TRPM8: variants seen among roughly 807,000 people sequenced by gnomAD.
TRPM8 encodes TRPM8 cationic channel.
A neutral mutation model predicts 133.7 loss-of-function variants in TRPM8; 110 were observed. That is an observed-to-expected ratio of 0.82 (90% CI 0.70 to 0.96). TRPM8 has a LOEUF of 0.96. Ranked by LOEUF, TRPM8 falls within the 40% of genes least tolerant of loss-of-function variation. TRPM8 has a pLI of 0.00. For synonymous variants in TRPM8, 535 were observed against 532.3 expected (o/e 1.01, Z -0.07); for missense variants, 1,291 against 1,379.5 (o/e 0.94, Z 1.02).
intron 18 of TRPM8, 27 bp from the exon 19 acceptor site, chr2:233,981,747 G>T (rs6708995): frequency 0.47 from 745,663 of 1,572,694 alleles, 179,608 homozygotes; most frequent in Middle Eastern, 0.54. Context: ...AATATCTCAT[G>T]AATTCTGTTC....
intron 22 of TRPM8, among the ~76,000 whole-genome samples, chr2:234,001,618 C>T (rs903064849): frequency 2.6e-5 from 4 of 152,156 alleles, no homozygotes. Flanking sequence ...GGAAATTGTG[C>T]ATAGGCAAGA....
At chr2:233,962,334 C>T (rs1459269539) in intron 12 of TRPM8, among the ~76,000 whole-genome samples, 2 of 152,202 alleles carry the variant, frequency 1.3e-5, no homozygotes, top group African/African-American at 2.4e-5. Flanking sequence ...AAGGTTTGTG[C>T]TCTACTCTGG....
chr2:233,996,379 G>C lies in TRPM8; in HGVS notation c.2993G>C (p.Arg998Thr), dbSNP rs1382523925. 9 of 1,614,084 alleles carry C rather than the reference G, an allele frequency of 5.6e-6. No individual in the cohort carries two copies. The highest frequency in any genetic ancestry group is 1.7e-5 in the Admixed American group (1 of 60,006). The change falls in exon 22 of 26, where the codon AGG becomes ACG. Residue 998 changes from arginine to threonine, a missense_variant. Physicochemically the swap from Arg to Thr is moderately conservative, Grantham distance 71 (BLOSUM62 -1). Around this residue, in one of 2 missense-constraint regions of TRPM8, gnomAD observed 328 missense variants for 410.6 expected, o/e 0.80. Transcript: ENST00000324695. ...AATGACCAGGTCTGGAAGTTCCAGAGGTACTTCCTGGTGCAGGAGTACTGC... is the reference window on the plus strand; with the variant it reads ...AATGACCAGGTCTGGAAGTTCCAGACGTACTTCCTGGTGCAGGAGTACTGC... ...ENNDQVWKFQ[R>T]YFLVQEYCSR...
intron 17 of TRPM8, among the ~76,000 whole-genome samples, chr2:233,974,017 C>T (rs1574746882): frequency 6.6e-6 from 1 of 152,134 alleles, no homozygotes; most frequent in Non-Finnish European, 1.5e-5. Context: ...ATTTCAGGGA[C>T]AAAAAGACAG....
At chr2:233,969,634 T>C in intron 15 of TRPM8, 61 bp from the exon 16 acceptor site, 1 of 995,930 alleles carries the variant, frequency 1.0e-6, no homozygotes, top group South Asian at 1.3e-5. Flanking sequence ...AAAGTTTGCA[T>C]GGCATCCTGC....
At chr2:233,923,548 G>T (rs1034783293) in intron 1 of TRPM8, among the ~76,000 whole-genome samples, 6 of 152,116 alleles carry the variant, frequency 3.9e-5, no homozygotes. Context: ...AGGTTACCAC[G>T]CAGGGCTCCA....
In TRPM8 at chr2:233,969,791, G is replaced by A; in HGVS notation, c.2122G>A (p.Gly708Ser). ...CLFIIPLVGCGFVSFRKKPVD... is the reference protein window; with the variant it reads ...CLFIIPLVGCSFVSFRKKPVD... Reference sequence around the variant, plus strand: ...GTTTATTATACCCTTGGTGGGCTGTGGCTTTGTATCATTTAGGTACAAACC... The same window carrying A: ...GTTTATTATACCCTTGGTGGGCTGTAGCTTTGTATCATTTAGGTACAAACC... Residue 708 changes from glycine to serine, a missense_variant, in exon 16 of 26, where the codon GGC (glycine) becomes AGC (serine). By Grantham distance (56) the Gly-to-Ser change is moderately conservative (BLOSUM62 0). Transcript: ENST00000324695. 6.2e-7 allele frequency: 1 copy of A among 1,611,542 alleles called. No homozygotes were observed. The highest frequency in any genetic ancestry group is 1.7e-4 in the Middle Eastern group (1 of 6,054).
chr2:233,971,507 G>A (rs757482312), intron 17 of TRPM8, among the ~76,000 whole-genome samples: 6 of 152,164 alleles, frequency 3.9e-5, no homozygotes, highest in Non-Finnish European at 7.3e-5. Context: ...GTAGGTCTGA[G>A]GTGCAGATGG....
intron 1 of TRPM8, among the ~76,000 whole-genome samples, chr2:233,919,136 T>A (rs1559513098): frequency 7.1e-6 from 1 of 141,244 alleles, no homozygotes; most frequent in Admixed American, 6.9e-5. Context: ...ATAGGTGAGC[T>A]AAAAAGCAAC....
intron 1 of TRPM8, among the ~76,000 whole-genome samples, chr2:233,923,947 G>A (rs937829338): frequency 2.0e-5 from 3 of 152,204 alleles, no homozygotes; most frequent in Non-Finnish European, 4.4e-5. Context: ...AGAATAAGGG[G>A]AACATGCTGG....
In TRPM8 at chr2:233,983,209, C is replaced by T. The variant is rs766523107; in HGVS notation, c.2746C>T (p.Pro916Ser). ...EPYLAMFGQV[P>S]SDVDGTTYDF... ...CTACCTGGCCATGTTCGGCCAGGTG[C>T]CCAGTGACGTGGATGGTAAGCCTGA... Residue 916 changes from proline to serine, a missense_variant, in exon 20 of 26, where the codon CCC becomes TCC. This residue lies in a region of TRPM8 where 328 missense variants were observed against 410.6 expected (regional missense o/e 0.80). Transcript: ENST00000324695. The T allele has an allele frequency of 6.2e-7, 1 of 1,614,116 alleles. No individual in the cohort carries two copies. Among genetic ancestry groups the T allele is most frequent in the South Asian group, 1.1e-5 (1 of 91,074 alleles).
intron 6 of TRPM8, among the ~76,000 whole-genome samples, chr2:233,943,652 C>T (rs146531458): frequency 3.3e-5 from 5 of 152,254 alleles, no homozygotes; most frequent in African/African-American, 1.2e-4. Flanking sequence ...TTCCTGTGAA[C>T]ATTTTTAGAG....
intron 3 of TRPM8, among the ~76,000 whole-genome samples, chr2:233,936,237 G>T (rs1690736583): frequency 6.6e-6 from 1 of 152,164 alleles, no homozygotes; most frequent in Admixed American, 6.5e-5. Context: ...GCTCATCTTG[G>T]GCTGCTGTGA....
chr2:233,938,886 G>T, intron 4 of TRPM8, 112 bp from the exon 5 acceptor site: 2 of 1,142,034 alleles, frequency 1.8e-6, no homozygotes, highest in Non-Finnish European at 1.2e-6. Context: ...CCCCCACCCC[G>T]CCCCTCTTCT....
chr2:233,964,577 A>AAG, intron 13 of TRPM8, 51 bp from the exon 14 acceptor site: 1 of 1,230,044 alleles, frequency 8.1e-7, no homozygotes, highest in African/African-American at 1.6e-5. Context: ...AAAAAAAAAA[A>AAG]GAAAAGGAAA....
intron 24 of TRPM8, among the ~76,000 whole-genome samples, chr2:234,012,542 T>C (rs1416868512): frequency 1.3e-5 from 2 of 152,130 alleles, no homozygotes; most frequent in Non-Finnish European, 2.9e-5. Flanking sequence ...GATTATGTTA[T>C]ATGCAAATAG....
Position 233,955,118 on chromosome 2 carries a change from C to G in TRPM8, c.1244-14C>G. The G allele has an allele frequency of 6.2e-7, 1 of 1,602,132 alleles. No homozygotes were observed. Among genetic ancestry groups the G allele is most frequent in the Non-Finnish European group, 8.5e-7 (1 of 1,169,874 alleles). On this transcript the variant is annotated splice_polypyrimidine_tract_variant and intron_variant, in intron 10 of 25. Transcript: ENST00000324695. The stretch of plus-strand genomic sequence containing the variant: ...AGCCTTTGGTGAGTTGAGTCTTTTC[C>G]TGCCCTCTCACAGCCTTCAGCACCA...
At position 233,922,538 on chromosome 2, in the gene TRPM8, G is replaced by GA. The variant is rs199623518; in HGVS notation, c.-5-3987dup. 6.5e-3 allele frequency among the ~76,000 whole-genome samples: 988 copies of GA among 151,652 alleles called. 16 individuals carry two copies. The highest frequency in any genetic ancestry group is 0.022 in the African/African-American group (921 of 41,350). ...GAGATAAAATATAAACATTTAAACT[G>GA]AAAAAAAACCTCTACCACGTCATCT... On this transcript the variant is annotated intron_variant, in intron 1 of 25. Coordinates refer to ENST00000324695, the MANE Select transcript of TRPM8 (RefSeq NM_024080.5).
intron 14 of TRPM8, among the ~76,000 whole-genome samples, 189 bp downstream of exon 14, chr2:233,964,946 CA>C (rs1480611217): frequency 2.0e-5 from 3 of 152,012 alleles, no homozygotes; most frequent in Non-Finnish European, 4.4e-5. Context: ...TGGAATTTTC[CA>C]AGAATGAATG....
Sources: gnomAD v4.1 joint callset for allele counts (sites outside exome capture counted in the v4.1 genomes callset) on GRCh38, gnomAD v4.1.1 for gene constraint, gnomAD v4.1.1 regional missense constraint, MANE v1.5 for transcripts, NCBI Gene and HGNC (gene_info 2026-07-23, HGNC 2026-07-21) for gene names.